Variants in MAGI2 observed in about 807,000 individuals in gnomAD.
MAGI2 encodes the protein membrane-associated guanylate kinase, WW and PDZ domain-containing protein 2.
Under a neutral mutation model 133.3 loss-of-function variants are expected in MAGI2, and 35 were observed. The ratio of observed to expected loss-of-function variants is 0.26; its 90% CI spans 0.20 to 0.35. The LOEUF (loss-of-function observed/expected upper bound fraction) is 0.35. Among genes scored for constraint, MAGI2 ranks in the 10% least tolerant of loss-of-function variants. The pLI is 1.00. For missense variants in MAGI2, 1,636 were observed against 1,863.4 expected (o/e 0.88, Z 2.25); for synonymous variants, 729 against 710.6 (o/e 1.03, Z -0.41).
intron 19 of MAGI2, 53 bp downstream of exon 19, chr7:78,127,144 C>T: frequency 7.4e-7 from 1 of 1,344,510 alleles, no homozygotes; most frequent in Non-Finnish European, 1.0e-6. Context: ...TCATTCCTTG[C>T]AGTTCTCTGG....
chr7:78,998,041 C>T (rs1433298389), intron 2 of MAGI2, among the ~76,000 whole-genome samples: 1 of 152,106 alleles, frequency 6.6e-6, no homozygotes, highest in Non-Finnish European at 1.5e-5. Flanking sequence ...TTTACTAACG[C>T]TGGACCATAT....
chr7:78,808,590 A>G (rs922813975), intron 2 of MAGI2, among the ~76,000 whole-genome samples: 2 of 152,220 alleles, frequency 1.3e-5, no homozygotes, highest in African/African-American at 4.8e-5. Flanking sequence ...ATAATTAAAA[A>G]TAATGACGGA....
intron 2 of MAGI2, among the ~76,000 whole-genome samples, chr7:78,909,775 C>A (rs1288533113): frequency 6.6e-6 from 1 of 152,018 alleles, no homozygotes; most frequent in Non-Finnish European, 1.5e-5. Context: ...CCGAGTAATC[C>A]CATTACTGGA....
chr7:79,095,036 C>A (rs1400000578), intron 1 of MAGI2, among the ~76,000 whole-genome samples: 1 of 152,132 alleles, frequency 6.6e-6, no homozygotes, highest in Non-Finnish European at 1.5e-5. Flanking sequence ...GCATTGAATT[C>A]CCTCTAGATA....
chr7:79,159,359 C>CA (rs1019761963), intron 1 of MAGI2, among the ~76,000 whole-genome samples: 3 of 150,820 alleles, frequency 2.0e-5, no homozygotes, highest in East Asian at 2.0e-4. Context: ...ACTAAAAATA[C>CA]AAAAAAAATT....
At chr7:78,035,154 A>G (rs1810049466) in intron 21 of MAGI2, 1 of 153,394 alleles carries the variant, frequency 6.5e-6, no homozygotes, top group Non-Finnish European at 1.5e-5. Flanking sequence ...GATCCCTGGC[A>G]TGGGTGCTGA....
At position 79,453,334 on chromosome 7, in the gene MAGI2, G is replaced by C; in HGVS notation, c.-14C>G. ...GCTTTTGGACATGGCAGTGGGGCGAGTCGCCTCAGTTCCTGGGCTCCTTGG... is the reference window on the plus strand; with the variant it reads ...GCTTTTGGACATGGCAGTGGGGCGACTCGCCTCAGTTCCTGGGCTCCTTGG... On this transcript the variant is annotated 5_prime_UTR_variant, in exon 1 of 22. Coordinates refer to ENST00000354212, the MANE Select transcript of MAGI2 (RefSeq NM_012301.4). 1 of 1,594,616 alleles carries C rather than the reference G, an allele frequency of 6.3e-7. No individual in the cohort carries two copies. The highest frequency in any genetic ancestry group is 8.6e-7 in the Non-Finnish European group (1 of 1,169,348).
At chr7:78,804,792 G>A (rs1283101352) in intron 2 of MAGI2, among the ~76,000 whole-genome samples, 2 of 144,274 alleles carry the variant, frequency 1.4e-5, no homozygotes, top group Admixed American at 1.4e-4. Flanking sequence ...CTTTGGCTGG[G>A]CACGGTGGCT....
At chr7:79,101,481 T>C (rs1817962428) in intron 1 of MAGI2, among the ~76,000 whole-genome samples, 1 of 152,016 alleles carries the variant, frequency 6.6e-6, no homozygotes, top group African/African-American at 2.4e-5. Flanking sequence ...TTCCAGCACT[T>C]TGGGAGGCCG....
chr7:78,621,804 T>C (rs1415413699), intron 3 of MAGI2, among the ~76,000 whole-genome samples: 1 of 152,040 alleles, frequency 6.6e-6, no homozygotes, highest in Non-Finnish European at 1.5e-5. Context: ...ATCTATCTGA[T>C]TTCTAACCAA....
intron 2 of MAGI2, among the ~76,000 whole-genome samples, chr7:78,845,904 C>T (rs1043052846): frequency 1.3e-5 from 2 of 151,402 alleles, no homozygotes; most frequent in Admixed American, 6.6e-5. Flanking sequence ...AGTAGGGCAA[C>T]GTGAAAAAGG....
chr7:78,872,712 T>A (rs541919748), intron 2 of MAGI2, among the ~76,000 whole-genome samples: 2 of 152,188 alleles, frequency 1.3e-5, no homozygotes, highest in African/African-American at 4.8e-5. Context: ...GCAAGACATC[T>A]ACCTACTTTC....
At chr7:78,300,125 A>G (rs1182434504) in intron 9 of MAGI2, among the ~76,000 whole-genome samples, 2 of 152,182 alleles carry the variant, frequency 1.3e-5, no homozygotes, top group Non-Finnish European at 2.9e-5. Flanking sequence ...AATCACAGAC[A>G]TTTTTATATT....
rs563493975 is a variant in MAGI2 at position 78,813,133 on chromosome 7, GA to G, written c.419-185895del. The stretch of plus-strand genomic sequence containing the variant: ...CGGGCAAATTCTCTCAAATATTTTA[GA>G]AAAAATAACACAAATTTACCCAAAC... On this transcript the variant is annotated intron_variant, in intron 2 of 21. Transcript: ENST00000354212. Among the ~76,000 whole-genome samples, 457 of 152,114 alleles carry G rather than the reference GA, an allele frequency of 3.0e-3. 2 individuals are homozygous for G. Among genetic ancestry groups the G allele is most frequent in the African/African-American group, 0.01 (433 of 41,506 alleles).
intron 21 of MAGI2, among the ~76,000 whole-genome samples, chr7:78,077,774 G>T (rs1196499724): frequency 8.0e-6 from 1 of 125,758 alleles, no homozygotes. Flanking sequence ...TTGTTGCCCA[G>T]ACTGGAGTGT....
chr7:78,149,736 C>T (rs751302462), intron 16 of MAGI2, among the ~76,000 whole-genome samples: 3 of 152,122 alleles, frequency 2.0e-5, no homozygotes, highest in Admixed American at 6.6e-5. Context: ...ATGATGAATC[C>T]GTAAGTATAC....
At chr7:79,075,666 G>C (rs1815399548) in intron 1 of MAGI2, among the ~76,000 whole-genome samples, 1 of 152,094 alleles carries the variant, frequency 6.6e-6, no homozygotes, top group South Asian at 2.1e-4. Context: ...AGGATGCTGA[G>C]GTGGGGAGTA....
At position 78,342,531 on chromosome 7, in the gene MAGI2, T is replaced by A. The variant is rs147967138; in HGVS notation, c.1408+1247A>T. On this transcript the variant is annotated intron_variant, in intron 9 of 21. Transcript: ENST00000354212. ...ACACGTATGTTTACTGTGGCACTAT[T>A]CACAATAGCAAAGACTTGGAACCAA... Among the ~76,000 whole-genome samples, 234 of 152,306 alleles carry A rather than the reference T, an allele frequency of 1.5e-3. 4 individuals carry two copies. The East Asian group carries it at 0.034, about 22-fold the overall frequency.
In MAGI2 at chr7:78,334,249, A is replaced by G. The variant is rs373813619; in HGVS notation, c.1408+9529T>C. On this transcript the variant is annotated intron_variant, in intron 9 of 21. Transcript: ENST00000354212. ...ACCATTAACTGGAAAATCAACATGG[A>G]ATGGCCAGCACTAAGAAGAGAGGCA... Among the ~76,000 whole-genome samples the G allele has an allele frequency of 2.4e-4, 37 of 152,278 alleles. No homozygotes were observed. In the East Asian group the frequency reaches 6.9e-3, roughly 29 times the overall value.
Sources: allele counts gnomAD v4.1 joint callset (sites outside exome capture counted in the v4.1 genomes callset), GRCh38; gene constraint gnomAD v4.1.1; transcripts MANE v1.5; gene names NCBI Gene and HGNC (gene_info 2026-07-23, HGNC 2026-07-21).